PTPRD: variants seen among roughly 807,000 people sequenced by gnomAD.
PTPRD encodes the protein receptor-type tyrosine-protein phosphatase delta.
In PTPRD, 34 loss-of-function variants were observed where a neutral mutation model predicts 214.5. That is an observed-to-expected ratio of 0.16 (90% confidence interval 0.12 to 0.21). The LOEUF is 0.21. PTPRD is among the 10% of genes least tolerant of loss of function. The pLI is 1.00. For missense variants in PTPRD, 2,545 were observed against 2,398.7 expected, an observed-to-expected ratio of 1.06 and a Z score of -1.27; for synonymous variants, 1,128 against 845.7, an observed-to-expected ratio of 1.33 and a Z score of -5.79.
rs61022211 is a variant in PTPRD at position 10,492,289 on chromosome 9, A to G, written c.-600+120109T>C. 5.8e-3 allele frequency among the ~76,000 whole-genome samples: 878 copies of G among 152,228 alleles called. 6 individuals carry two copies. Among genetic ancestry groups the G allele is most frequent in the African/African-American group, 0.02 (847 of 41,566 alleles). ...TCTAGATCCTTAAGAATTGCCACAC[A>G]GTCTTCCACAATGGTTGAACTAATT... On this transcript the variant is annotated intron_variant, in intron 2 of 45. Transcript: ENST00000381196.
At chr9:8,635,697 G>C (rs774548494) in intron 13 of PTPRD, among the ~76,000 whole-genome samples, 3 of 151,996 alleles carry the variant, frequency 2.0e-5, no homozygotes, top group Admixed American at 1.3e-4. Flanking sequence ...CTGTAAATTA[G>C]GTCATGAAGG....
chr9:8,863,857 G>C (rs945397445), intron 11 of PTPRD, among the ~76,000 whole-genome samples: 1 of 152,082 alleles, frequency 6.6e-6, no homozygotes, highest in Admixed American at 6.5e-5. Flanking sequence ...ATCTTCAGTA[G>C]GAAAGGCAGA....
chr9:9,816,296 C>G (rs999729456), intron 5 of PTPRD, among the ~76,000 whole-genome samples: 4 of 151,928 alleles, frequency 2.6e-5, no homozygotes, highest in African/African-American at 9.7e-5. Flanking sequence ...ACCTAGAAAA[C>G]TACTTATAAT....
chr9:10,522,587 G>A (rs542214086), intron 2 of PTPRD, among the ~76,000 whole-genome samples: 1 of 152,188 alleles, frequency 6.6e-6, no homozygotes, highest in South Asian at 2.1e-4. Flanking sequence ...TTACAGAAAG[G>A]ACTGATGTAC....
chr9:10,120,438 A>G lies in PTPRD; in HGVS notation c.-544-86648T>C, dbSNP rs1035226018. The stretch of plus-strand genomic sequence containing the variant: ...ACTAAAGAGTTCAATTAATTTTTCA[A>G]GCTCACACAAATCATAAGATCTCAG... On this transcript the variant is annotated intron_variant, in intron 3 of 45. Transcript: ENST00000381196. Among the ~76,000 whole-genome samples, 7 of 151,996 alleles carry G rather than the reference A, an allele frequency of 4.6e-5. No individual in the cohort carries two copies. The East Asian group carries it at 1.3e-3, about 29-fold the overall frequency.
chr9:8,470,929 G>C (rs551551177), intron 31 of PTPRD, 66 bp downstream of exon 31: 7 of 1,421,370 alleles, frequency 4.9e-6, no homozygotes, highest in African/African-American at 3.0e-5. Flanking sequence ...GCCTCCAAGG[G>C]AGGGGGGCGG....
intron 5 of PTPRD, among the ~76,000 whole-genome samples, chr9:9,857,564 A>G (rs1234489557): frequency 1.4e-5 from 2 of 142,134 alleles, no homozygotes; most frequent in African/African-American, 5.2e-5. Flanking sequence ...TCTGCTGATA[A>G]TAAATAAATA....
chr9:9,660,591 T>C (rs1021302892), intron 7 of PTPRD, among the ~76,000 whole-genome samples: 1 of 152,050 alleles, frequency 6.6e-6, no homozygotes, highest in Non-Finnish European at 1.5e-5. Context: ...AACTGAGAGT[T>C]GCCCTAATAT....
chr9:8,890,605 A>G (rs942446863), intron 11 of PTPRD, among the ~76,000 whole-genome samples: 4 of 152,240 alleles, frequency 2.6e-5, no homozygotes, highest in African/African-American at 9.6e-5. Context: ...TAATGTACTT[A>G]TTAGACAGCT....
intron 10 of PTPRD, among the ~76,000 whole-genome samples, chr9:9,094,235 T>C (rs1391176318): frequency 1.3e-5 from 2 of 152,286 alleles, no homozygotes; most frequent in South Asian, 2.1e-4. Context: ...CGCATATTTA[T>C]AGCAGCCACA....
intron 8 of PTPRD, among the ~76,000 whole-genome samples, chr9:9,402,328 A>T (rs2070982895): frequency 6.6e-6 from 1 of 152,122 alleles, no homozygotes; most frequent in Non-Finnish European, 1.5e-5. Flanking sequence ...GAGCCTTGGG[A>T]TCTCTAGGAG....
chr9:8,956,987 C>A (rs963935105), intron 11 of PTPRD, among the ~76,000 whole-genome samples: 2 of 151,890 alleles, frequency 1.3e-5, no homozygotes, highest in East Asian at 3.9e-4. Flanking sequence ...CATGTCCCTG[C>A]GTTAATGGCA....
rs1003167744 is a variant in PTPRD at position 9,343,605 on chromosome 9, G to A, written c.-203+53844C>T. On this transcript the variant is annotated intron_variant, in intron 9 of 45. Coordinates refer to ENST00000381196, the MANE Select transcript of PTPRD (RefSeq NM_002839.4). ...TAAGCAACTGCAAATATCAAAGTTTGAAGGTAGCATTGGAGAAACTATTTT... is the reference window on the plus strand; with the variant it reads ...TAAGCAACTGCAAATATCAAAGTTTAAAGGTAGCATTGGAGAAACTATTTT... 3.9e-5 allele frequency among the ~76,000 whole-genome samples: 6 copies of A among 152,156 alleles called. No homozygotes were observed. In the East Asian group the frequency reaches 9.7e-4, roughly 24 times the overall value.
At chr9:10,215,631 G>C (rs1009653992) in intron 3 of PTPRD, among the ~76,000 whole-genome samples, 1 of 151,904 alleles carries the variant, frequency 6.6e-6, no homozygotes, top group African/African-American at 2.4e-5. Context: ...TATTACCCAG[G>C]AATGAAACAC....
At chr9:8,739,183 C>T (rs2091280970) in intron 11 of PTPRD, among the ~76,000 whole-genome samples, 1 of 152,166 alleles carries the variant, frequency 6.6e-6, no homozygotes, top group Admixed American at 6.5e-5. Flanking sequence ...CTGACAGAGG[C>T]TTCAGGGGGC....
intron 9 of PTPRD, among the ~76,000 whole-genome samples, chr9:9,390,983 T>C (rs925641094): frequency 6.6e-6 from 1 of 152,196 alleles, no homozygotes; most frequent in African/African-American, 2.4e-5. Flanking sequence ...TTTATCAAGA[T>C]ATCTTGATAA....
intron 9 of PTPRD, among the ~76,000 whole-genome samples, chr9:9,222,403 C>G (rs2099956693): frequency 6.6e-6 from 1 of 151,958 alleles, no homozygotes; most frequent in Non-Finnish European, 1.5e-5. Context: ...TTTTCTAGAA[C>G]ACAGGGAGTG....
At chr9:9,058,374 C>T (rs2099700203) in intron 10 of PTPRD, among the ~76,000 whole-genome samples, 1 of 150,074 alleles carries the variant, frequency 6.7e-6, no homozygotes, top group Admixed American at 6.7e-5. Flanking sequence ...GCTAAATCCC[C>T]TGAAGAGCTG....
At chr9:10,360,590 G>C (rs1383886611) in intron 2 of PTPRD, among the ~76,000 whole-genome samples, 1 of 152,146 alleles carries the variant, frequency 6.6e-6, no homozygotes, top group Admixed American at 6.5e-5. Context: ...CTTTTCTCTT[G>C]TCCCAAGCAG....
Sources: allele counts gnomAD v4.1 joint callset (sites outside exome capture counted in the v4.1 genomes callset), GRCh38; gene constraint gnomAD v4.1.1; transcripts MANE v1.5; gene names NCBI Gene and HGNC (gene_info 2026-07-23, HGNC 2026-07-21).